LGSN: variants seen among roughly 807,000 people sequenced by gnomAD.
The protein encoded by LGSN is lengsin.
In LGSN, 21 loss-of-function variants were observed where a neutral mutation model predicts 19.5. That is an observed-to-expected ratio of 1.07 (90% CI 0.76 to 1.55). LGSN has a LOEUF of 1.55. Among genes scored for constraint, LGSN ranks in the 40% most tolerant of loss-of-function variants. The pLI, the probability that LGSN is intolerant of heterozygous loss-of-function variation, is 0.00. For missense variants in LGSN, 673 were observed against 608.5 expected (o/e 1.11, Z -1.12); for synonymous variants, 257 against 215.6 (o/e 1.19, Z -1.68).
the LGSN span, among the ~76,000 whole-genome samples, chr6:63,452,056 T>C: frequency 2.2e-5 from 1 of 46,324 alleles, no homozygotes; most frequent in East Asian, 8.7e-4. Context: ...TTTCTTGTCT[T>C]TTTTTTTTTT....
At chr6:63,468,293 A>T in the LGSN span, among the ~76,000 whole-genome samples, 2 of 151,488 alleles carry the variant, frequency 1.3e-5, no homozygotes, top group Non-Finnish European at 2.9e-5. Context: ...ACACCCAGCT[A>T]ATTTTTGTAT....
At position 63,279,392 on chromosome 6, in the gene LGSN, A is replaced by G. The variant is rs1442889930; in HGVS notation, c.*629T>C. ...TTCCTTAGGGATTTGTTTCTTGAGG[A>G]CATTATAACCTTGAAGTTCATAAGC... On this transcript the variant is annotated 3_prime_UTR_variant, in exon 4 of 4. Transcript: ENST00000370657. 6.6e-6 allele frequency: 1 copy of G among 152,222 alleles called. No individual in the cohort carries two copies. The highest frequency in any genetic ancestry group is 2.4e-5 in the African/African-American group (1 of 41,446). The allele number at this position is 152,222 out of a possible 1,614,324, so 9.4% of individuals were successfully genotyped here.
the LGSN span, among the ~76,000 whole-genome samples, chr6:63,480,940 G>GAGATATATATATAT: frequency 1.3e-3 from 76 of 59,858 alleles, 4 homozygotes; most frequent in Admixed American, 2.1e-3. Context: ...TAAAGAAAAT[G>GAGATATATATATAT]ATATATATAT....
At chr6:63,477,110 A>G in the LGSN span, among the ~76,000 whole-genome samples, 1 of 152,228 alleles carries the variant, frequency 6.6e-6, no homozygotes, top group East Asian at 1.9e-4. Flanking sequence ...AGCATTTCTC[A>G]TCACAGTTTG....
chr6:63,540,650 GA>G, the LGSN span, among the ~76,000 whole-genome samples: 1 of 151,462 alleles, frequency 6.6e-6, no homozygotes, highest in Non-Finnish European at 1.5e-5. Context: ...AAAGAAAAAA[GA>G]AAAAAGTTAG....
chr6:63,305,340 G>C lies in LGSN; in HGVS notation c.31-10295C>G, dbSNP rs536994889. 4.6e-5 allele frequency among the ~76,000 whole-genome samples: 7 copies of C among 152,236 alleles called. No individual in the cohort carries two copies. In the East Asian group the frequency reaches 1.4e-3, roughly 29 times the overall value. On this transcript the variant is annotated intron_variant, in intron 1 of 3. Transcript: ENST00000370657. The stretch of plus-strand genomic sequence containing the variant: ...AGACCAAATAAGTCCATTTACAATG[G>C]TGTGAGAGTGACGTCAATGCCTAAG...
At chr6:63,333,017 C>G in the LGSN span, among the ~76,000 whole-genome samples, 1 of 151,918 alleles carries the variant, frequency 6.6e-6, no homozygotes, top group African/African-American at 2.4e-5. Flanking sequence ...CAGACCTTCA[C>G]GGTGAGTGTT....
At chr6:63,540,697 T>A in the LGSN span, among the ~76,000 whole-genome samples, 1 of 151,994 alleles carries the variant, frequency 6.6e-6, no homozygotes, top group African/African-American at 2.4e-5. Context: ...ACCATTTATG[T>A]AAGTTAAAAT....
At chr6:63,501,941 A>G in the LGSN span, among the ~76,000 whole-genome samples, 2 of 152,174 alleles carry the variant, frequency 1.3e-5, no homozygotes, top group Non-Finnish European at 2.9e-5. Context: ...GACTATAGGC[A>G]CACACCACCA....
the LGSN span, among the ~76,000 whole-genome samples, chr6:63,412,477 GAAAGA>G: frequency 3.1e-5 from 3 of 96,690 alleles, no homozygotes; most frequent in African/African-American, 1.5e-4. Context: ...AGAGAGAGAA[GAAAGA>G]GAAGAAAGAA....
At chr6:63,485,306 A>G in the LGSN span, among the ~76,000 whole-genome samples, 1 of 152,044 alleles carries the variant, frequency 6.6e-6, no homozygotes, top group African/African-American at 2.4e-5. Context: ...CTGTTCCTGC[A>G]TTAGTTTGCT....
At chr6:63,318,037 G>GTACTACTT (rs148909557) in intron 1 of LGSN, among the ~76,000 whole-genome samples, 5,021 of 152,074 alleles carry the variant, frequency 0.033, 275 homozygotes, top group African/African-American at 0.11. Context: ...ACTTTAAGAA[G>GTACTACTT]TAAGAATGTG....
the LGSN span, among the ~76,000 whole-genome samples, chr6:63,522,928 G>A: frequency 2.0e-5 from 3 of 146,926 alleles, no homozygotes; most frequent in Non-Finnish European, 3.0e-5. Context: ...GCAGCAGCAC[G>A]ATCTCAGCTA....
chr6:63,497,277 A>G, the LGSN span, among the ~76,000 whole-genome samples: 1 of 152,056 alleles, frequency 6.6e-6, no homozygotes, highest in African/African-American at 2.4e-5. Flanking sequence ...GGCTGAGTGC[A>G]GTAGCTCACT....
At chr6:63,482,825 C>T in the LGSN span, among the ~76,000 whole-genome samples, 2 of 152,088 alleles carry the variant, frequency 1.3e-5, no homozygotes, top group African/African-American at 2.4e-5. Context: ...CTTAGCCTTC[C>T]GAATAGCTGG....
At position 63,276,510 on chromosome 6, in the gene LGSN, G is replaced by C. The variant is rs1228249227; in HGVS notation, c.*3511C>G. On this transcript the variant is annotated 3_prime_UTR_variant, in exon 4 of 4. Coordinates refer to ENST00000370657, the MANE Select transcript of LGSN (RefSeq NM_016571.3). ...TAATCACATTTTTCCCCTAAGCTTTGATTAGAACAATTATAGTAAATGAAA... is the reference window on the plus strand; with the variant it reads ...TAATCACATTTTTCCCCTAAGCTTTCATTAGAACAATTATAGTAAATGAAA... The C allele has an allele frequency of 2.6e-5, 4 of 151,908 alleles. No homozygotes were observed. The highest frequency in any genetic ancestry group is 7.3e-5 in the African/African-American group (3 of 41,358). The allele number at this position is 151,908 out of a possible 1,614,324, so 9.4% of individuals were successfully genotyped here. A position where few individuals can be genotyped will look rare whatever the true frequency, so the allele number is the denominator to read the frequency against.
the LGSN span, among the ~76,000 whole-genome samples, chr6:63,421,556 C>T: frequency 7.2e-5 from 11 of 152,102 alleles, no homozygotes; most frequent in East Asian, 1.7e-3. Context: ...GGTGAAACCT[C>T]GTCTCTACTA....
At chr6:63,483,300 G>T in the LGSN span, among the ~76,000 whole-genome samples, 1 of 151,656 alleles carries the variant, frequency 6.6e-6, no homozygotes, top group South Asian at 2.1e-4. Context: ...TCATCTCATT[G>T]TTCCATGGCT....
the LGSN span, among the ~76,000 whole-genome samples, chr6:63,404,048 A>T: frequency 2.6e-5 from 4 of 152,054 alleles, no homozygotes; most frequent in Admixed American, 1.3e-4. Context: ...TTCTGCCAAC[A>T]ACTCAATAGA....
Sources: gnomAD v4.1 joint callset for allele counts (sites outside exome capture counted in the v4.1 genomes callset) on GRCh38, gnomAD v4.1.1 for gene constraint, MANE v1.5 for transcripts, NCBI Gene and HGNC (gene_info 2026-07-23, HGNC 2026-07-21) for gene names.